AGAP1: variants seen among roughly 807,000 people sequenced by gnomAD.
AGAP1 encodes ArfGAP with GTPase domain, ankyrin repeat and PH domain 1, also known as arf-GAP with GTPase, ANK repeat and PH domain-containing protein 1.
Under a neutral mutation model 105.3 loss-of-function variants are expected in AGAP1, and 29 were observed. The observed-to-expected ratio is 0.28, with a 90% CI of 0.21 to 0.38. AGAP1 has a LOEUF of 0.38. Among genes scored for constraint, AGAP1 ranks in the 10% least tolerant of loss-of-function variants. AGAP1 has a pLI of 1.00. For synonymous variants in AGAP1, 509 were observed against 485.9 expected, an observed-to-expected ratio of 1.05 and a Z score of -0.63; for missense variants, 998 against 1,165.1, an observed-to-expected ratio of 0.86 and a Z score of 2.09.
chr2:235,955,845 G>C (rs918881404), intron 12 of AGAP1, among the ~76,000 whole-genome samples: 1 of 152,128 alleles, frequency 6.6e-6, no homozygotes, highest in South Asian at 2.1e-4. Flanking sequence ...GAGTGAAGTG[G>C]CCAGGTGCAT....
At chr2:235,537,354 G>A (rs1030177880) in intron 1 of AGAP1, among the ~76,000 whole-genome samples, 7 of 152,180 alleles carry the variant, frequency 4.6e-5, no homozygotes, top group Non-Finnish European at 8.8e-5. Flanking sequence ...AGGCCCTGAG[G>A]AAGCACAGAG....
chr2:235,645,141 C>A (rs1947331503), intron 1 of AGAP1, among the ~76,000 whole-genome samples: 1 of 152,144 alleles, frequency 6.6e-6, no homozygotes, highest in South Asian at 2.1e-4. Flanking sequence ...GGTGATCTGC[C>A]CACCTCAGCC....
Position 235,953,216 on chromosome 2 carries a change from A to G in AGAP1, c.1484-15246A>G, listed in dbSNP as rs2053814343. Among the ~76,000 whole-genome samples, 1 of 152,214 alleles carries G rather than the reference A, an allele frequency of 6.6e-6. No individual in the cohort carries two copies. The highest frequency in any genetic ancestry group is 1.5e-5 in the Non-Finnish European group (1 of 68,030). On this transcript the variant is annotated intron_variant, in intron 12 of 17. Transcript: ENST00000304032. This position sits in a 1 kb window ranked among gnomAD's most constrained non-coding sequence, Gnocchi z 5.2. ...TTCAAATATTTTAGGTGTTTACAAA[A>G]TATTTCTATGAGGACAGATAAGGGG...
intron 9 of AGAP1, among the ~76,000 whole-genome samples, chr2:235,871,788 T>C (rs75395855): frequency 0.04 from 6,022 of 152,306 alleles, 382 homozygotes; most frequent in African/African-American, 0.13. Flanking sequence ...CAGGTGCTGC[T>C]AGGCTTTCTC....
Position 235,549,742 on chromosome 2 carries a change from G to C in AGAP1, c.163+54893G>C, listed in dbSNP as rs185837226. Among the ~76,000 whole-genome samples, 3 of 152,246 alleles carry C rather than the reference G, an allele frequency of 2.0e-5. No individual in the cohort carries two copies. Among genetic ancestry groups the C allele is most frequent in the Non-Finnish European group, 2.9e-5 (2 of 68,022 alleles). On this transcript the variant is annotated intron_variant, in intron 1 of 17. Coordinates refer to ENST00000304032, the MANE Select transcript of AGAP1 (RefSeq NM_001037131.3). This position sits in a 1 kb window ranked among gnomAD's most constrained non-coding sequence, Gnocchi z 4.2. ...CATTTAAGAGTGCTCTTAGCAGTTC[G>C]CGTTCTATATAGAACTGTTTACACC...
chr2:235,670,141 CG>C, intron 1 of AGAP1: 1 of 581,914 alleles, frequency 1.7e-6, no homozygotes, highest in East Asian at 3.8e-5. Flanking sequence ...CGTCGCCACC[CG>C]CGGACGCGAT....
rs562853848 is a variant in AGAP1 at position 235,723,052 on chromosome 2, G to C, written c.310+5408G>C. 1.8e-4 allele frequency among the ~76,000 whole-genome samples: 28 copies of C among 152,300 alleles called. No individual in the cohort carries two copies. The South Asian group carries it at 5.8e-3, about 32-fold the overall frequency. On this transcript the variant is annotated intron_variant, in intron 3 of 17. Transcript: ENST00000304032. The surrounding 1 kb of genome is among the most constrained non-coding windows in gnomAD (Gnocchi z 6.2). ...CTGTTGGAGTTGGCCCCATCACTTG[G>C]TGGTGGTCATGGTTCTGCCAGTGAT... is the stretch of plus-strand genomic sequence containing the variant.
At chr2:235,815,120 A>T (rs537547728) in intron 9 of AGAP1, among the ~76,000 whole-genome samples, 1 of 152,114 alleles carries the variant, frequency 6.6e-6, no homozygotes, top group East Asian at 1.9e-4. Flanking sequence ...CCCCTTTCCC[A>T]TATGAGAACA....
Position 235,545,445 on chromosome 2 carries a change from G to A in AGAP1, c.163+50596G>A, listed in dbSNP as rs73118496. Among the ~76,000 whole-genome samples the A allele has an allele frequency of 4.0e-3, 617 of 152,360 alleles. 3 individuals are homozygous for A. Among genetic ancestry groups the A allele is most frequent in the African/African-American group, 0.014 (565 of 41,586 alleles). On this transcript the variant is annotated intron_variant, in intron 1 of 17. Coordinates refer to ENST00000304032, the MANE Select transcript of AGAP1 (RefSeq NM_001037131.3). ...TTACTTAGAGGTTTACTTATAGGAA[G>A]TTTGAGACTGAGCCAGAACCTTTCT... is the stretch of plus-strand genomic sequence containing the variant.
chr2:235,659,838 G>A lies in AGAP1; in HGVS notation c.164-49341G>A, dbSNP rs973296387. Among the ~76,000 whole-genome samples, 26 of 152,222 alleles carry A rather than the reference G, an allele frequency of 1.7e-4. No individual in the cohort carries two copies. The highest frequency in any genetic ancestry group is 2.9e-5 in the Non-Finnish European group (2 of 68,040). ...CTCGGATGCGAAATCTGGGGAACCA[G>A]CCAGCCACCTCTGGTCCTGGGAGGG... On this transcript the variant is annotated intron_variant, in intron 1 of 17. Transcript: ENST00000304032. This position sits in a 1 kb window ranked among gnomAD's most constrained non-coding sequence, Gnocchi z 5.0.
chr2:235,991,284 C>T (rs1228958510), intron 13 of AGAP1, among the ~76,000 whole-genome samples: 1 of 152,132 alleles, frequency 6.6e-6, no homozygotes, highest in Non-Finnish European at 1.5e-5. Context: ...ATACTTTATT[C>T]AGTATATTCT....
chr2:235,712,162 A>G lies in AGAP1; in HGVS notation c.222+2925A>G, dbSNP rs1041335768. 1.3e-5 allele frequency among the ~76,000 whole-genome samples: 2 copies of G among 152,160 alleles called. No homozygotes were observed. Among genetic ancestry groups the G allele is most frequent in the African/African-American group, 4.8e-5 (2 of 41,430 alleles). Reference sequence around the variant, plus strand: ...CTCAGCCTCCCAAGTAGCTGGGATGACAGGCACCCACCACCACATCTGGCT... The same window carrying G: ...CTCAGCCTCCCAAGTAGCTGGGATGGCAGGCACCCACCACCACATCTGGCT... On this transcript the variant is annotated intron_variant, in intron 2 of 17. Coordinates refer to ENST00000304032, the MANE Select transcript of AGAP1 (RefSeq NM_001037131.3). This position sits in a 1 kb window ranked among gnomAD's most constrained non-coding sequence, Gnocchi z 6.0.
chr2:235,928,862 T>A (rs2052580518), intron 11 of AGAP1, among the ~76,000 whole-genome samples: 1 of 152,172 alleles, frequency 6.6e-6, no homozygotes. Flanking sequence ...TCTGGGCTGC[T>A]CCTCCACGTC....
intron 16 of AGAP1, among the ~76,000 whole-genome samples, chr2:236,097,249 G>A (rs911972839): frequency 2.0e-5 from 3 of 152,140 alleles, no homozygotes; most frequent in Admixed American, 1.3e-4. Context: ...AATAATGTGG[G>A]TCTTCAAAAT....
chr2:235,592,883 T>C (rs1326267242), intron 1 of AGAP1, among the ~76,000 whole-genome samples: 2 of 152,120 alleles, frequency 1.3e-5, no homozygotes, highest in African/African-American at 4.8e-5. Flanking sequence ...CTGCACAGTT[T>C]CCAGGAACAC....
At chr2:235,529,110 C>T (rs1335388598) in intron 1 of AGAP1, among the ~76,000 whole-genome samples, 4 of 152,226 alleles carry the variant, frequency 2.6e-5, no homozygotes. Flanking sequence ...TCTGTGGCCC[C>T]TAGGCCACAC....
At chr2:236,018,964 T>A (rs549396540) in intron 13 of AGAP1, among the ~76,000 whole-genome samples, 16 of 152,314 alleles carry the variant, frequency 1.1e-4, no homozygotes, top group African/African-American at 3.8e-4. Context: ...TCATCACAGA[T>A]ACAGCTTCGC....
chr2:235,709,119 A>G (rs1339015008), intron 1 of AGAP1, 60 bp from the exon 2 acceptor site: 37 of 1,569,248 alleles, frequency 2.4e-5, no homozygotes, highest in Non-Finnish European at 3.1e-5. Flanking sequence ...CATTGGAGGC[A>G]TTTTGACTTG....
chr2:235,923,211 G>A (rs1017165290), intron 11 of AGAP1, among the ~76,000 whole-genome samples: 4 of 152,146 alleles, frequency 2.6e-5, no homozygotes, highest in African/African-American at 9.7e-5. Context: ...TTTTATGACT[G>A]CCTTCCTGTG....
Sources: allele counts gnomAD v4.1 joint callset (sites outside exome capture counted in the v4.1 genomes callset), GRCh38; gene constraint gnomAD v4.1.1; non-coding constraint Gnocchi (gnomAD v3.1); transcripts MANE v1.5; gene names NCBI Gene and HGNC (gene_info 2026-07-23, HGNC 2026-07-21).